DHX8: variants seen among roughly 807,000 people sequenced by gnomAD.
DHX8 encodes DEAH-box helicase 8, also known as ATP-dependent RNA helicase DHX8.
Under a neutral mutation model 140.7 loss-of-function variants are expected in DHX8, and 67 were observed. The ratio of observed to expected loss-of-function variants is 0.48; its 90% CI spans 0.39 to 0.58. The LOEUF (loss-of-function observed/expected upper bound fraction) is 0.58. Among genes scored for constraint, DHX8 ranks in the 20% least tolerant of loss-of-function variants. The pLI is 0.00. For missense variants in DHX8, 887 were observed against 1,550.7 expected (o/e 0.57, Z 7.19); for synonymous variants, 533 against 553.2 (o/e 0.96, Z 0.51).
downstream of DHX8, chr17:43,544,771 T>G: frequency 3.7e-6 from 2 of 539,530 alleles, no homozygotes; most frequent in Non-Finnish European, 6.7e-6. Context: ...TGGCTCAGGG[T>G]AGAGAAAATA....
chr17:43,540,505 G>A (rs564673875), intron 3 of DHX8, among the ~76,000 whole-genome samples: 6 of 152,174 alleles, frequency 3.9e-5, no homozygotes, highest in African/African-American at 1.4e-4. Context: ...CCCCTCCTCC[G>A]GAGAGTCCCA....
chr17:43,516,484 G>A (rs935794407), intron 17 of DHX8, among the ~76,000 whole-genome samples: 6 of 151,746 alleles, frequency 4.0e-5, no homozygotes, highest in Non-Finnish European at 7.4e-5. Context: ...CTTTGTTGTT[G>A]CCCAGGCTGT....
chr17:43,513,337 C>G (rs1371094854), intron 16 of DHX8, 25 bp from the exon 17 acceptor site: 2 of 1,610,182 alleles, frequency 1.2e-6, no homozygotes, highest in African/African-American at 1.3e-5. Flanking sequence ...GCACCTCACT[C>G]CAGCTTTGCC....
In DHX8 at chr17:43,492,864, G is replaced by T. The variant is rs1201512728; in HGVS notation, c.687G>T (p.Gln229His). 2 of 1,614,196 alleles carry T rather than the reference G, an allele frequency of 1.2e-6. No individual in the cohort carries two copies. Among genetic ancestry groups the T allele is most frequent in the Admixed American group, 3.3e-5 (2 of 60,026 alleles). ...KSRYRSRSRS[Q>H]SPPKDRKDRD... ...GATATCGGTCCAGGAGCAGGAGTCA[G>T]AGTCCCCCCAAAGACCGGAAGGACC... Residue 229 changes from glutamine (Q) to histidine (H), a missense_variant, in exon 6 of 23, where the codon CAG (glutamine) becomes CAT (histidine). Coordinates refer to ENST00000262415, the MANE Select transcript of DHX8 (RefSeq NM_004941.3).
intron 1 of DHX8, among the ~76,000 whole-genome samples, chr17:43,486,595 A>T (rs371346892): frequency 6.6e-6 from 1 of 152,200 alleles, no homozygotes; most frequent in Non-Finnish European, 1.5e-5. Flanking sequence ...ATACTGATTA[A>T]TGGGACCAGG....
intron 3 of DHX8, among the ~76,000 whole-genome samples, chr17:43,539,429 T>C (rs1457521515): frequency 6.6e-6 from 1 of 152,226 alleles, no homozygotes; most frequent in East Asian, 1.9e-4. Flanking sequence ...ATCTATGTTT[T>C]GTTTTCTCCC....
intron 2 of DHX8, among the ~76,000 whole-genome samples, chr17:43,489,736 G>T (rs1480447478): frequency 6.6e-6 from 1 of 151,956 alleles, no homozygotes; most frequent in Non-Finnish European, 1.5e-5. Context: ...GACTACAGGT[G>T]CCTGCCACCA....
At chr17:43,521,591 A>G (rs1233428951) in intron 21 of DHX8, 26 bp downstream of exon 21, 1 of 1,595,866 alleles carries the variant, frequency 6.3e-7, no homozygotes, top group Non-Finnish European at 8.6e-7. Context: ...ATGACTCTGC[A>G]TGTTTGAGTT....
At chr17:43,495,183 A>G (rs1316719475) in intron 8 of DHX8, among the ~76,000 whole-genome samples, 2 of 152,216 alleles carry the variant, frequency 1.3e-5, no homozygotes, top group African/African-American at 2.4e-5. Flanking sequence ...GGCTAGGGCT[A>G]TAAACGCGAA....
chr17:43,497,951 G>T (rs937929141), intron 9 of DHX8, among the ~76,000 whole-genome samples: 8 of 152,128 alleles, frequency 5.3e-5, no homozygotes, highest in Non-Finnish European at 2.9e-5. Context: ...CAATGAAGTT[G>T]GATGGCAAAT....
chr17:43,539,726 G>A (rs1971424813), intron 3 of DHX8, among the ~76,000 whole-genome samples: 1 of 152,136 alleles, frequency 6.6e-6, no homozygotes, highest in Admixed American at 6.5e-5. Flanking sequence ...TTCCCTGCAG[G>A]CTCCCCCTCT....
chr17:43,528,239 G>A (rs180992684), downstream of DHX8: 23 of 364,888 alleles, frequency 6.3e-5, no homozygotes, highest in Admixed American at 9.3e-4. Flanking sequence ...GAAAAGGTGT[G>A]GGGGGCTTGG....
At chr17:43,507,479 T>C in intron 13 of DHX8, 24 bp from the exon 14 acceptor site, 1 of 1,600,284 alleles carries the variant, frequency 6.2e-7, no homozygotes, top group Non-Finnish European at 8.5e-7. Context: ...GTATCCTAGG[T>C]TTTCCCCTTC....
Position 43,508,036 on chromosome 17 carries a change from A to G in DHX8, c.2320+17A>G, listed in dbSNP as rs757961443. 71 of 1,609,270 alleles carry G rather than the reference A, an allele frequency of 4.4e-5. No homozygotes were observed. The South Asian group carries it at 7.0e-4, about 16-fold the overall frequency. ...AACCACCAGGTAAGGGGAAAAAGCA[A>G]TTTTCCTTTTTGGGAGGCCTAATTT... On this transcript the variant is annotated intron_variant, in intron 15 of 22. Transcript: ENST00000262415.
chr17:43,509,703 T>C lies in DHX8; in HGVS notation c.2502+1183T>C, dbSNP rs192954187. 2.0e-5 allele frequency among the ~76,000 whole-genome samples: 3 copies of C among 152,188 alleles called. No individual in the cohort carries two copies. In the East Asian group the frequency reaches 5.8e-4, roughly 29 times the overall value. On this transcript the variant is annotated intron_variant, in intron 16 of 22. Coordinates refer to ENST00000262415, the MANE Select transcript of DHX8 (RefSeq NM_004941.3). Reference sequence around the variant, plus strand: ...TTTTTTTTGAGACAGAGTTTCACTCTTGTTGCCCAGGCTGGAGTGCAACGG... The same window carrying C: ...TTTTTTTTGAGACAGAGTTTCACTCCTGTTGCCCAGGCTGGAGTGCAACGG...
intron 3 of DHX8, among the ~76,000 whole-genome samples, chr17:43,536,735 T>G (rs996881435): frequency 6.6e-6 from 1 of 152,278 alleles, no homozygotes; most frequent in Non-Finnish European, 1.5e-5. Flanking sequence ...GAATTTATGT[T>G]GGGCCTGGGC....
downstream of DHX8, chr17:43,530,425 G>A (rs1447246763): frequency 3.6e-6 from 5 of 1,402,706 alleles, no homozygotes; most frequent in Non-Finnish European, 4.6e-6. Flanking sequence ...AGCAGCGGGG[G>A]CTGGGCAAGC....
Position 43,493,401 on chromosome 17 carries a change from A to G in DHX8, c.864-44A>G, listed in dbSNP as rs1968654476. ...TAAGGGTAGAAATTGGTTGGGGGAA[A>G]AATATTTTTTGGCATGTTCCAGATG... is the stretch of plus-strand genomic sequence containing the variant. On this transcript the variant is annotated intron_variant, in intron 6 of 22. Coordinates refer to ENST00000262415, the MANE Select transcript of DHX8 (RefSeq NM_004941.3). 2.5e-6 allele frequency: 4 copies of G among 1,598,034 alleles called. No individual in the cohort carries two copies. The East Asian group carries it at 6.7e-5, about 27-fold the overall frequency.
intron 12 of DHX8, among the ~76,000 whole-genome samples, chr17:43,506,310 TAAAC>T (rs960987306): frequency 7.4e-5 from 11 of 148,934 alleles, no homozygotes; most frequent in South Asian, 2.2e-4. Context: ...CTGGCCTTCT[TAAAC>T]AAACAAACAA....
Sources: allele counts gnomAD v4.1 joint callset (sites outside exome capture counted in the v4.1 genomes callset), GRCh38; gene constraint gnomAD v4.1.1; transcripts MANE v1.5; gene names NCBI Gene and HGNC (gene_info 2026-07-23, HGNC 2026-07-21).